TOM1L2: variants seen among roughly 807,000 people sequenced by gnomAD.
TOM1L2 encodes the protein target of myb1 like 2 membrane trafficking protein.
TOM1L2 carries 31 observed loss-of-function variants against 67.9 expected under a neutral mutation model. The observed-to-expected ratio is 0.46, with a 90% CI of 0.34 to 0.62. The LOEUF is 0.62. Ranked by LOEUF, TOM1L2 falls within the 20% of genes least tolerant of loss-of-function variation. The pLI, the probability that TOM1L2 is intolerant of heterozygous loss-of-function variation, is 0.01. For synonymous variants in TOM1L2, 256 were observed against 254.0 expected (o/e 1.01, Z -0.07); for missense variants, 606 against 663.5 (o/e 0.91, Z 0.95).
chr17:17,953,301 G>C (rs977976527), intron 1 of TOM1L2, among the ~76,000 whole-genome samples: 2 of 151,956 alleles, frequency 1.3e-5, no homozygotes, highest in Non-Finnish European at 2.9e-5. Flanking sequence ...AATAAATAAA[G>C]GTAAATGTTA....
chr17:17,969,353 G>A (rs1342196207), intron 1 of TOM1L2, among the ~76,000 whole-genome samples: 2 of 152,090 alleles, frequency 1.3e-5, no homozygotes, highest in African/African-American at 2.4e-5. Context: ...ACCACAACCA[G>A]CCTACAGCTG....
chr17:17,917,450 CTTTTTTTTTTTTTT>C (rs71155307), intron 1 of TOM1L2, among the ~76,000 whole-genome samples: 26 of 36,370 alleles, frequency 7.1e-4, no homozygotes, highest in Admixed American at 4.0e-3. Flanking sequence ...TACCATTGGT[CTTTTTTTTTTTTTT>C]TTTTTTTTTT....
intron 2 of TOM1L2, among the ~76,000 whole-genome samples, chr17:17,905,969 C>T (rs1438907080): frequency 6.6e-6 from 1 of 152,100 alleles, no homozygotes; most frequent in Non-Finnish European, 1.5e-5. Context: ...TCCTCAAACA[C>T]ATCAGACACC....
At chr17:17,873,899 T>C (rs1305748976) in intron 7 of TOM1L2, among the ~76,000 whole-genome samples, 4 of 152,206 alleles carry the variant, frequency 2.6e-5, no homozygotes, top group Non-Finnish European at 4.4e-5. Flanking sequence ...TGCCATTCAC[T>C]GTAAAATTTT....
chr17:17,862,785 C>T lies in TOM1L2; in HGVS notation c.1148G>A (p.Gly383Asp). The change falls in exon 11 of 15, where the codon GGC becomes GAC. Residue 383 changes from glycine to aspartate, a missense_variant. Transcript: ENST00000379504. ...SSLQQCNPRD[G>D]FDMFAQTRGN... ...TCTCGTCTGGGCAAACATGTCAAAG[C>T]CGTCACGGGGATTACATTGCTGGAG... 1 of 1,614,166 alleles carries T rather than the reference C, an allele frequency of 6.2e-7. No individual in the cohort carries two copies. The highest frequency in any genetic ancestry group is 8.5e-7 in the Non-Finnish European group (1 of 1,180,054).
At chr17:17,877,842 A>T (rs2037497738) in intron 7 of TOM1L2, among the ~76,000 whole-genome samples, 1 of 151,434 alleles carries the variant, frequency 6.6e-6, no homozygotes. Context: ...ACGCCAGGAG[A>T]TTAGGTTCTG....
In TOM1L2 at chr17:17,850,969, C is replaced by T. The variant is rs745783615; in HGVS notation, c.1279-17G>A. ...AACGGGGATCTATGGAGGCGGCAAG[C>T]AGCGGGCCAGGCAGCCCCCACACAG... On this transcript the variant is annotated splice_polypyrimidine_tract_variant and intron_variant, in intron 12 of 14. Coordinates refer to ENST00000379504, the MANE Select transcript of TOM1L2 (RefSeq NM_001082968.2). The T allele has an allele frequency of 2.5e-6, 4 of 1,613,350 alleles. No homozygotes were observed. Among genetic ancestry groups the T allele is most frequent in the Non-Finnish European group, 3.4e-6 (4 of 1,179,954 alleles).
intron 1 of TOM1L2, among the ~76,000 whole-genome samples, chr17:17,970,313 C>T (rs532843037): frequency 1.1e-4 from 16 of 152,268 alleles, no homozygotes; most frequent in Middle Eastern, 3.4e-3. Flanking sequence ...ATCCGCCCGC[C>T]TCAACCTCCC....
At chr17:17,958,099 A>G (rs898734933) in intron 1 of TOM1L2, among the ~76,000 whole-genome samples, 1 of 152,084 alleles carries the variant, frequency 6.6e-6, no homozygotes, top group Non-Finnish European at 1.5e-5. Context: ...CAAAAAAAAA[A>G]AAAAGAAAAG....
intron 1 of TOM1L2, among the ~76,000 whole-genome samples, chr17:17,954,642 GGAGTTCCA>G (rs2041352084): frequency 2.0e-5 from 3 of 152,116 alleles, no homozygotes; most frequent in Admixed American, 1.3e-4. Flanking sequence ...AAGGAGATGG[GGAGTTCCA>G]GAAATTTTCT....
Position 17,847,370 on chromosome 17 carries a change from C to T in TOM1L2, c.*265G>A, listed in dbSNP as rs1039637236. 2 of 514,344 alleles carry T rather than the reference C, an allele frequency of 3.9e-6. No homozygotes were observed. Among genetic ancestry groups the T allele is most frequent in the East Asian group, 3.6e-5 (1 of 27,682 alleles). The allele number at this position is 514,344 out of a possible 1,614,324, so 31.9% of individuals were successfully genotyped here. A position where few individuals can be genotyped will look rare whatever the true frequency, so the allele number is the denominator to read the frequency against. Reference sequence around the variant, plus strand: ...GCCTGGGGCTGGGCCACTCTGCCCGCTCTTCCTGGGAGGAAACATGGGCAG... The same window carrying T: ...GCCTGGGGCTGGGCCACTCTGCCCGTTCTTCCTGGGAGGAAACATGGGCAG... On this transcript the variant is annotated 3_prime_UTR_variant, in exon 15 of 15. Coordinates refer to ENST00000379504, the MANE Select transcript of TOM1L2 (RefSeq NM_001082968.2).
At position 17,882,729 on chromosome 17, in the gene TOM1L2, G is replaced by A. The variant is rs781610588; in HGVS notation, c.636C>T (p.Gly212=). ...APQAPALSVT[G]PITANSEQIA... is the part of the protein sequence containing the mutation. ...CCTGTTCTGAATTGGCTGTGATGGGGCCAGTCACACTCAGAGCTGGGGCCT... is the reference window on the plus strand; with the variant it reads ...CCTGTTCTGAATTGGCTGTGATGGGACCAGTCACACTCAGAGCTGGGGCCT... Residue 212 remains glycine, a synonymous_variant, in exon 6 of 15, where the codon GGC becomes GGT. Transcript: ENST00000379504. The A allele has an allele frequency of 1.2e-6, 2 of 1,614,228 alleles. No individual in the cohort carries two copies. The highest frequency in any genetic ancestry group is 1.7e-6 in the Non-Finnish European group (2 of 1,180,036).
chr17:17,932,112 T>C (rs769453331), intron 1 of TOM1L2, among the ~76,000 whole-genome samples: 1 of 152,216 alleles, frequency 6.6e-6, no homozygotes, highest in Admixed American at 6.5e-5. Context: ...ACCAGCTATA[T>C]GTCTTCCACA....
At chr17:17,967,511 A>C (rs1255050936) in intron 1 of TOM1L2, among the ~76,000 whole-genome samples, 1 of 152,252 alleles carries the variant, frequency 6.6e-6, no homozygotes, top group African/African-American at 2.4e-5. Context: ...TAACATTTTG[A>C]AGCTTGTTGC....
rs2035528178 is a variant in TOM1L2, at chr17:17,844,230, A to C, written c.*3405T>G. Reference sequence around the variant, plus strand: ...AGAAGGCTGGGCCCAACTGAGTTAGAGATGCGTGTCTGCGGGGGCCCAGGG... The same window carrying C: ...AGAAGGCTGGGCCCAACTGAGTTAGCGATGCGTGTCTGCGGGGGCCCAGGG... On this transcript the variant is annotated 3_prime_UTR_variant, in exon 15 of 15. Transcript: ENST00000379504. 6.6e-6 allele frequency: 1 copy of C among 152,192 alleles called. No homozygotes were observed. The highest frequency in any genetic ancestry group is 1.9e-4 in the East Asian group (1 of 5,184). The allele number at this position is 152,192 out of a possible 1,614,324, so 9.4% of individuals were successfully genotyped here. A position where few individuals can be genotyped will look rare whatever the true frequency, so the allele number is the denominator to read the frequency against.
At chr17:17,971,892 C>G (rs943608468) in intron 1 of TOM1L2, among the ~76,000 whole-genome samples, 74 of 151,134 alleles carry the variant, frequency 4.9e-4, no homozygotes, top group African/African-American at 1.7e-3. Flanking sequence ...GGAGGAGGCC[C>G]GAGGACACAG....
intron 1 of TOM1L2, among the ~76,000 whole-genome samples, chr17:17,943,938 C>T (rs2040838183): frequency 6.6e-6 from 1 of 152,222 alleles, no homozygotes; most frequent in Non-Finnish European, 1.5e-5. Context: ...CCCTCCCCCT[C>T]CAGGTAAACT....
Position 17,880,362 on chromosome 17 carries a change from C to T in TOM1L2, c.661-619G>A, listed in dbSNP as rs552832416. Among the ~76,000 whole-genome samples the T allele has an allele frequency of 3.9e-5, 6 of 152,280 alleles. No homozygotes were observed. In the East Asian group the frequency reaches 1.2e-3, roughly 29 times the overall value. ...GTAACACAGCCCCTTGAAAAATACC[C>T]AAGTTGCCCATCAGCGATCCCAAAG... On this transcript the variant is annotated intron_variant, in intron 6 of 14. Transcript: ENST00000379504.
At chr17:17,958,804 C>T (rs1220546690) in intron 1 of TOM1L2, among the ~76,000 whole-genome samples, 1 of 152,172 alleles carries the variant, frequency 6.6e-6, no homozygotes, top group Admixed American at 6.5e-5. Flanking sequence ...CCAGAAAGAC[C>T]AAGGTACATT....
Sources: allele counts gnomAD v4.1 joint callset (sites outside exome capture counted in the v4.1 genomes callset), GRCh38; gene constraint gnomAD v4.1.1; transcripts MANE v1.5; gene names NCBI Gene and HGNC (gene_info 2026-07-23, HGNC 2026-07-21).